The following NUP43 variants were observed in gnomAD, a reference collection of about 807,000 sequenced individuals.
NUP43 encodes the protein nucleoporin 43.
NUP43 carries 32 observed loss-of-function variants against 47.3 expected under a neutral mutation model. The ratio of observed to expected loss-of-function variants is 0.68; its 90% CI spans 0.51 to 0.91. NUP43 has a LOEUF of 0.91. NUP43 is among the 40% of genes least tolerant of loss of function. The pLI, the probability that NUP43 is intolerant of heterozygous loss-of-function variation, is 0.00. For synonymous variants in NUP43, 147 were observed against 158.4 expected, an observed-to-expected ratio of 0.93 and a Z score of 0.54; for missense variants, 444 against 453.9, an observed-to-expected ratio of 0.98 and a Z score of 0.20.
At chr6:149,743,981 A>C (rs1258047319) in intron 2 of NUP43, among the ~76,000 whole-genome samples, 1 of 152,170 alleles carries the variant, frequency 6.6e-6, no homozygotes. Flanking sequence ...CCTTAGGAAA[A>C]TATTATTCCT....
At chr6:149,744,942 G>A (rs963165085) in intron 2 of NUP43, among the ~76,000 whole-genome samples, 4 of 146,196 alleles carry the variant, frequency 2.7e-5, no homozygotes, top group African/African-American at 5.1e-5. Context: ...ACAGAGTTTC[G>A]CTCTTGTTGC....
chr6:149,746,351 G>A (rs772296115), intron 1 of NUP43, 25 bp downstream of exon 1: 2 of 1,611,842 alleles, frequency 1.2e-6, no homozygotes, highest in South Asian at 1.1e-5. Flanking sequence ...AGGAGGTAGG[G>A]GCTCGTCCCT....
chr6:149,747,647 T>G (rs576972801), upstream of NUP43, among the ~76,000 whole-genome samples: 2 of 152,290 alleles, frequency 1.3e-5, no homozygotes, highest in Non-Finnish European at 2.9e-5. Context: ...TAGATGCATA[T>G]TCCTCCCCCA....
At chr6:149,743,750 A>G in intron 2 of NUP43, 35 bp from the exon 3 acceptor site, 3 of 1,318,480 alleles carry the variant, frequency 2.3e-6, no homozygotes, top group African/African-American at 1.4e-5. Context: ...AAAGATTCAG[A>G]AATATTAGCA....
At chr6:149,741,961 C>T (rs1038576672) in intron 4 of NUP43, among the ~76,000 whole-genome samples, 1 of 150,834 alleles carries the variant, frequency 6.6e-6, no homozygotes, top group African/African-American at 2.4e-5. Flanking sequence ...CAGGTTCAAG[C>T]GATTCTCCTG....
chr6:149,738,390 A>C (rs1785476134), intron 5 of NUP43, among the ~76,000 whole-genome samples: 1 of 152,232 alleles, frequency 6.6e-6, no homozygotes. Context: ...TCATTGAAAG[A>C]GCAGAAATAA....
rs771389105 is a variant in NUP43, at chr6:149,746,437, G to T, written c.59C>A (p.Pro20Gln). 3 of 1,614,156 alleles carry T rather than the reference G, an allele frequency of 1.9e-6. No homozygotes were observed. In the East Asian group the frequency reaches 6.7e-5, roughly 36 times the overall value. ...GGTCTGTAAACTTCCCGGAGGCAGC[G>T]GTCGCCAGCGGGTTTTGCTGATTTT... ...SQKISKTRWR[P>Q]LPPGSLQTAE... The change falls in exon 1 of 8, where the codon CCG becomes CAG. Residue 20 changes from proline to glutamine, a missense_variant. Transcript: ENST00000340413.
intron 2 of NUP43, among the ~76,000 whole-genome samples, chr6:149,744,073 A>G (rs1463487879): frequency 6.6e-6 from 1 of 152,148 alleles, no homozygotes; most frequent in African/African-American, 2.4e-5. Flanking sequence ...CAGGAGTTCA[A>G]GACCAGCCTG....
chr6:149,725,706 T>C lies in NUP43; in HGVS notation c.*1263A>G, dbSNP rs941319445. 14 of 152,204 alleles carry C rather than the reference T, an allele frequency of 9.2e-5. No homozygotes were observed. The highest frequency in any genetic ancestry group is 3.4e-4 in the African/African-American group (14 of 41,458). 9.4% of individuals were successfully genotyped at this position (152,204 alleles called of 1,614,324 possible). On this transcript the variant is annotated 3_prime_UTR_variant, in exon 8 of 8. Transcript: ENST00000340413. The stretch of plus-strand genomic sequence containing the variant: ...TCAATTGTCTAATAGCAGTGATTTG[T>C]CATTAAGGTCTCAGGTCAATAATAC...
intron 7 of NUP43, chr6:149,727,457 TTC>T (rs1784842325): frequency 2.0e-6 from 2 of 984,596 alleles, no homozygotes; most frequent in Non-Finnish European, 2.4e-6. Context: ...TCAACTGACT[TTC>T]TGTTCATCTT....
intron 6 of NUP43, among the ~76,000 whole-genome samples, chr6:149,735,385 A>G (rs570023524): frequency 6.6e-6 from 1 of 152,138 alleles, no homozygotes; most frequent in South Asian, 2.1e-4. Flanking sequence ...GTGTAGAAAA[A>G]TCTGTCAATG....
intron 7 of NUP43, among the ~76,000 whole-genome samples, chr6:149,729,083 C>A (rs546428620): frequency 6.6e-6 from 1 of 152,026 alleles, no homozygotes; most frequent in Non-Finnish European, 1.5e-5. Flanking sequence ...CTCCAACTCC[C>A]GGGTTCAAGC....
intron 4 of NUP43, 152 bp from the exon 5 acceptor site, chr6:149,738,930 T>C (rs1785500860): frequency 7.1e-6 from 3 of 425,438 alleles, no homozygotes; most frequent in South Asian, 1.5e-4. Flanking sequence ...TTAATGTATA[T>C]GTTTAAATGG....
chr6:149,741,174 T>C lies in NUP43; in HGVS notation c.502+1216A>G, dbSNP rs925002373. On this transcript the variant is annotated intron_variant, in intron 4 of 7. Coordinates refer to ENST00000340413, the MANE Select transcript of NUP43 (RefSeq NM_198887.3). ...CGTTGTGTGTGCACATGTGTACATA[T>C]ATTTTATATTTTTTTGAGACAGAGT... Among the ~76,000 whole-genome samples the C allele has an allele frequency of 6.6e-5, 10 of 152,182 alleles. No individual in the cohort carries two copies. The East Asian group carries it at 1.2e-3, about 18-fold the overall frequency.
At chr6:149,730,669 G>A (rs1234870515) in intron 7 of NUP43, among the ~76,000 whole-genome samples, 1 of 152,164 alleles carries the variant, frequency 6.6e-6, no homozygotes, top group East Asian at 1.9e-4. Context: ...GCCAGCTCAT[G>A]CTTATAATTG....
At chr6:149,746,338 G>C (rs202013544) in intron 1 of NUP43, 38 bp downstream of exon 1, 1 of 1,607,238 alleles carries the variant, frequency 6.2e-7, no homozygotes, top group African/African-American at 1.3e-5. Flanking sequence ...ACCGGAGAGA[G>C]GGAGGAGGTA....
chr6:149,739,130 C>T (rs1328559436), intron 4 of NUP43, among the ~76,000 whole-genome samples: 2 of 152,034 alleles, frequency 1.3e-5, no homozygotes, highest in African/African-American at 4.8e-5. Context: ...AGAAATGTGC[C>T]ACCACACCCA....
At position 149,727,663 on chromosome 6, in the gene NUP43, T is replaced by C. The variant is rs9689237; in HGVS notation, c.914-465A>G. 6.8e-3 allele frequency: 5,521 copies of C among 806,802 alleles called. 242 individuals are homozygous for C. In the African/African-American group the frequency reaches 0.092, roughly 13 times the overall value. The allele number at this position is 806,802 out of a possible 1,614,324, so 50.0% of individuals were successfully genotyped here. On this transcript the variant is annotated intron_variant, in intron 7 of 7. Coordinates refer to ENST00000340413, the MANE Select transcript of NUP43 (RefSeq NM_198887.3). The stretch of plus-strand genomic sequence containing the variant: ...ATTTCTAGAAATATATTTCTAAATA[T>C]ATATTTGTTACTATATTTCTTAAAA...
Position 149,725,357 on chromosome 6 carries a change from GC to G in NUP43, c.*1611del, listed in dbSNP as rs941183312. On this transcript the variant is annotated 3_prime_UTR_variant, in exon 8 of 8. Coordinates refer to ENST00000340413, the MANE Select transcript of NUP43 (RefSeq NM_198887.3). The stretch of plus-strand genomic sequence containing the variant: ...GCCTGTAATCCCAGCATTTTGGGAG[GC>G]TGAGGCAGGTGGATCATGAGGTCAG... 43 of 152,192 alleles carry G rather than the reference GC, an allele frequency of 2.8e-4. No individual in the cohort carries two copies. Among genetic ancestry groups the G allele is most frequent in the African/African-American group, 9.7e-4 (40 of 41,432 alleles). The allele number at this position is 152,192 out of a possible 1,614,324, so 9.4% of individuals were successfully genotyped here.
Sources: allele counts gnomAD v4.1 joint callset (sites outside exome capture counted in the v4.1 genomes callset), GRCh38; gene constraint gnomAD v4.1.1; transcripts MANE v1.5; gene names NCBI Gene and HGNC (gene_info 2026-07-23, HGNC 2026-07-21).